TAF4B: variants seen among roughly 807,000 people sequenced by gnomAD.
TAF4B encodes the protein transcription initiation factor TFIID subunit 4B.
In TAF4B, 38 loss-of-function variants were observed where a neutral mutation model predicts 86.4. The observed-to-expected ratio is 0.44, with a 90% CI of 0.34 to 0.58. The LOEUF (loss-of-function observed/expected upper bound fraction) is 0.58. Among genes scored for constraint, TAF4B ranks in the 20% least tolerant of loss-of-function variants. TAF4B has a pLI of 0.02. For missense variants in TAF4B, 988 were observed against 1,027.6 expected (o/e 0.96, Z 0.53); for synonymous variants, 388 against 391.2 (o/e 0.99, Z 0.10).
At chr18:26,237,085 T>C (rs1057016829) in intron 1 of TAF4B, among the ~76,000 whole-genome samples, 8 of 152,210 alleles carry the variant, frequency 5.3e-5, no homozygotes, top group African/African-American at 2.4e-5. Context: ...AACAGATGTT[T>C]GTGACTCCAG....
At chr18:26,249,720 T>G (rs1288254123) in intron 1 of TAF4B, among the ~76,000 whole-genome samples, 5 of 152,118 alleles carry the variant, frequency 3.3e-5, no homozygotes, top group Non-Finnish European at 7.4e-5. Context: ...ACTCAACACT[T>G]TATTTATTTT....
intron 14 of TAF4B, among the ~76,000 whole-genome samples, chr18:26,369,069 G>GA (rs1377253690): frequency 1.8e-4 from 28 of 152,104 alleles, no homozygotes; most frequent in Non-Finnish European, 1.5e-5. Flanking sequence ...CCTAAGAGAG[G>GA]AAAGAGGAAG....
intron 11 of TAF4B, 144 bp from the exon 12 acceptor site, chr18:26,326,871 A>G: frequency 1.1e-6 from 1 of 932,820 alleles, no homozygotes; most frequent in Non-Finnish European, 1.5e-6. Flanking sequence ...ATGTTTGCTT[A>G]ATAGAAACAA....
At chr18:26,312,595 C>T (rs1322505499) in intron 9 of TAF4B, among the ~76,000 whole-genome samples, 4 of 152,108 alleles carry the variant, frequency 2.6e-5, no homozygotes, top group Admixed American at 6.6e-5. Flanking sequence ...AGTGCTAATA[C>T]AATGCTAGGT....
intron 9 of TAF4B, among the ~76,000 whole-genome samples, chr18:26,313,194 G>A (rs1304145866): frequency 6.6e-6 from 1 of 152,170 alleles, no homozygotes; most frequent in Admixed American, 6.5e-5. Context: ...ATTTTTTGGA[G>A]GAGGAAACTG....
At chr18:26,334,758 C>T (rs1240188993) in intron 12 of TAF4B, among the ~76,000 whole-genome samples, 2 of 152,132 alleles carry the variant, frequency 1.3e-5, no homozygotes. Context: ...TTTTAATAGT[C>T]CTCGAAATAC....
At chr18:26,259,171 AT>A (rs112435365) in intron 1 of TAF4B, among the ~76,000 whole-genome samples, 16,372 of 120,830 alleles carry the variant, frequency 0.14, 901 homozygotes, top group Middle Eastern at 0.18. Flanking sequence ...TATTTCTTTG[AT>A]TTTTTTTTTT....
chr18:26,310,083 A>C lies in TAF4B; in HGVS notation c.1833-5146A>C, dbSNP rs533763554. 2.0e-4 allele frequency among the ~76,000 whole-genome samples: 30 copies of C among 152,320 alleles called. No homozygotes were observed. In the South Asian group the frequency reaches 6.2e-3, roughly 32 times the overall value. ...GGAGACACGCCCACCTCGGGCTCCG[A>C]AAGTGTTGGGATTACAGGTGTGAGC... On this transcript the variant is annotated intron_variant, in intron 9 of 14. Transcript: ENST00000269142.
At chr18:26,250,217 G>A (rs1456191422) in intron 1 of TAF4B, among the ~76,000 whole-genome samples, 1 of 152,054 alleles carries the variant, frequency 6.6e-6, no homozygotes, top group African/African-American at 2.4e-5. Flanking sequence ...AAATTTTTGT[G>A]CTGGGCGCGG....
intron 8 of TAF4B, 150 bp from the exon 9 acceptor site, chr18:26,293,276 T>C (rs2056618315): frequency 1.8e-6 from 1 of 548,502 alleles, no homozygotes; most frequent in African/African-American, 2.0e-5. Context: ...AATAAATTCA[T>C]TGTCATGTTT....
In TAF4B at chr18:26,263,946, T is replaced by C. The variant is rs1045336994; in HGVS notation, c.344-1224T>C. The stretch of plus-strand genomic sequence containing the variant: ...TTTACTTTTATATTCTTAATACACC[T>C]GGTTTTTGTGAATGTGTGTGAAATA... On this transcript the variant is annotated intron_variant, in intron 1 of 14. Coordinates refer to ENST00000269142, the MANE Select transcript of TAF4B (RefSeq NM_005640.3). Among the ~76,000 whole-genome samples, 15 of 152,330 alleles carry C rather than the reference T, an allele frequency of 9.8e-5. No individual in the cohort carries two copies. The East Asian group carries it at 2.9e-3, about 29-fold the overall frequency.
chr18:26,312,517 A>G (rs1444687408), intron 9 of TAF4B, among the ~76,000 whole-genome samples: 1 of 152,184 alleles, frequency 6.6e-6, no homozygotes, highest in African/African-American at 2.4e-5. Context: ...TTCCCTGCTC[A>G]TTTGCAGGGA....
At chr18:26,265,099 G>A (rs1194717324) in intron 1 of TAF4B, 71 bp from the exon 2 acceptor site, 2 of 1,479,938 alleles carry the variant, frequency 1.4e-6, no homozygotes, top group Non-Finnish European at 1.8e-6. Flanking sequence ...AGAAATGGGA[G>A]AAGAAAATAT....
chr18:26,278,321 T>A (rs57078626), intron 5 of TAF4B, among the ~76,000 whole-genome samples: 2,178 of 152,268 alleles, frequency 0.014, 41 homozygotes, highest in African/African-American at 0.05. Flanking sequence ...TTTTATTTTT[T>A]AGAGTAAGAG....
At chr18:26,251,134 T>G (rs2056000726) in intron 1 of TAF4B, among the ~76,000 whole-genome samples, 1 of 152,194 alleles carries the variant, frequency 6.6e-6, no homozygotes, top group South Asian at 2.1e-4. Context: ...TTCTGTGTGG[T>G]TGCAGAAGGT....
chr18:26,280,442 A>C (rs2056434055), intron 5 of TAF4B, among the ~76,000 whole-genome samples: 1 of 152,170 alleles, frequency 6.6e-6, no homozygotes, highest in South Asian at 2.1e-4. Context: ...ATACAGAATC[A>C]ATAAGGAACT....
At chr18:26,339,192 T>G (rs1000552532) in intron 13 of TAF4B, among the ~76,000 whole-genome samples, 2 of 152,256 alleles carry the variant, frequency 1.3e-5, no homozygotes, top group Non-Finnish European at 2.9e-5. Flanking sequence ...CTCGCTATTA[T>G]AACTTTATAT....
At chr18:26,271,988 G>GA (rs71169840) in intron 3 of TAF4B, among the ~76,000 whole-genome samples, 31,777 of 144,674 alleles carry the variant, frequency 0.22, 4,095 homozygotes, top group Non-Finnish European at 0.3. Flanking sequence ...TAGGCGAAAA[G>GA]AAAAAAAAAA....
intron 1 of TAF4B, among the ~76,000 whole-genome samples, chr18:26,233,141 T>G (rs1033246783): frequency 6.6e-6 from 1 of 151,894 alleles, no homozygotes; most frequent in African/African-American, 2.4e-5. Context: ...GTTAAAAAGG[T>G]GTGTGAATTT....
Sources: gnomAD v4.1 joint callset for allele counts (sites outside exome capture counted in the v4.1 genomes callset) on GRCh38, gnomAD v4.1.1 for gene constraint, MANE v1.5 for transcripts, NCBI Gene and HGNC (gene_info 2026-07-23, HGNC 2026-07-21) for gene names.